The following ATG7 variants were observed in gnomAD, a reference collection of about 807,000 sequenced individuals.
ATG7 encodes the protein autophagy related 7.
A neutral mutation model predicts 82.4 loss-of-function variants in ATG7; 70 were observed. The observed-to-expected ratio is 0.85, with a 90% CI of 0.70 to 1.04. The LOEUF (loss-of-function observed/expected upper bound fraction) is 1.04. Among genes scored for constraint, ATG7 ranks in the 50% least tolerant of loss-of-function variants. The probability of loss-of-function intolerance (pLI) is 0.00; values close to 1 mark genes in which losing one functional copy is unlikely to be tolerated. For synonymous variants in ATG7, 287 were observed against 313.0 expected (o/e 0.92, Z 0.88); for missense variants, 792 against 864.3 (o/e 0.92, Z 1.05).
chr3:11,329,874 G>A (rs1951400438), intron 9 of ATG7, among the ~76,000 whole-genome samples: 1 of 152,122 alleles, frequency 6.6e-6, no homozygotes, highest in Admixed American at 6.5e-5. Flanking sequence ...CTCTGTTCAG[G>A]ATCCAGTCCA....
At chr3:11,493,224 A>T (rs908117083) in intron 20 of ATG7, among the ~76,000 whole-genome samples, 17 of 152,126 alleles carry the variant, frequency 1.1e-4, no homozygotes, top group African/African-American at 4.1e-4. Flanking sequence ...CCTGAAGTCA[A>T]TTTGCCTCTC....
At chr3:11,406,586 C>T (rs930020730) in intron 19 of ATG7, among the ~76,000 whole-genome samples, 2 of 152,164 alleles carry the variant, frequency 1.3e-5, no homozygotes, top group Admixed American at 1.3e-4. Flanking sequence ...CATTTTCATG[C>T]TGCTGATAAA....
intron 20 of ATG7, among the ~76,000 whole-genome samples, chr3:11,476,833 A>C (rs2088302801): frequency 6.6e-6 from 1 of 152,160 alleles, no homozygotes; most frequent in African/African-American, 2.4e-5. Context: ...TTATGCATGT[A>C]GTAACTTTTG....
At chr3:11,566,197 TACAC>T in the ATG7 span, among the ~76,000 whole-genome samples, 8 of 152,002 alleles carry the variant, frequency 5.3e-5, no homozygotes, top group Admixed American at 2.6e-4. Context: ...CACAGAATGT[TACAC>T]ACACACTGAA....
In ATG7 at chr3:11,471,147, T is replaced by C. The variant is rs191249969; in HGVS notation, c.2079+44221T>C. ...GGCGGCCCTTTTGGAAACACACATA[T>C]GAATATGTTACTCAGGGACTTCCAA... On this transcript the variant is annotated intron_variant, in intron 20 of 20. Coordinates refer to ENST00000693202, the MANE Select transcript of ATG7 (RefSeq NM_001349232.2). 6.2e-3 allele frequency among the ~76,000 whole-genome samples: 945 copies of C among 152,176 alleles called. 8 individuals carry two copies. Among genetic ancestry groups the C allele is most frequent in the Non-Finnish European group, 8.8e-3 (596 of 68,000 alleles).
the ATG7 span, among the ~76,000 whole-genome samples, chr3:11,575,096 G>A: frequency 6.6e-6 from 1 of 152,172 alleles, no homozygotes; most frequent in Non-Finnish European, 1.5e-5. Context: ...GAGGAAAAGT[G>A]GATTGAGAGG....
chr3:11,573,891 C>G, the ATG7 span, among the ~76,000 whole-genome samples: 1 of 152,308 alleles, frequency 6.6e-6, no homozygotes, highest in East Asian at 1.9e-4. Flanking sequence ...TGAGGGCGTG[C>G]TCTAATCCAA....
At chr3:11,442,104 CTT>C (rs2084034584) in intron 20 of ATG7, among the ~76,000 whole-genome samples, 1 of 152,244 alleles carries the variant, frequency 6.6e-6, no homozygotes, top group Non-Finnish European at 1.5e-5. Context: ...CACCCAGACT[CTT>C]CTCTTTCTTT....
downstream of ATG7, chr3:11,558,329 C>T (rs2072625751): frequency 1.5e-6 from 1 of 686,894 alleles, no homozygotes; most frequent in Non-Finnish European, 2.4e-6. Flanking sequence ...CTACATTAGA[C>T]AGATGTTCCA....
At chr3:11,467,602 C>T (rs886400834) in intron 20 of ATG7, among the ~76,000 whole-genome samples, 5 of 152,174 alleles carry the variant, frequency 3.3e-5, no homozygotes, top group Admixed American at 2.0e-4. Context: ...TCTTGAACTC[C>T]TGACCTCAGG....
intron 20 of ATG7, among the ~76,000 whole-genome samples, chr3:11,430,063 A>C (rs1278496826): frequency 6.6e-6 from 1 of 151,528 alleles, no homozygotes; most frequent in South Asian, 2.1e-4. Context: ...CTGCCCAGAG[A>C]TATTCTTTAG....
chr3:11,467,588 C>T (rs1465957939), intron 20 of ATG7, among the ~76,000 whole-genome samples: 4 of 152,150 alleles, frequency 2.6e-5, no homozygotes, highest in African/African-American at 9.7e-5. Flanking sequence ...GTTCGCCAGG[C>T]TGGTCTTGAA....
chr3:11,526,013 G>A (rs1031923575), intron 20 of ATG7, among the ~76,000 whole-genome samples: 13 of 152,136 alleles, frequency 8.5e-5, no homozygotes, highest in African/African-American at 3.1e-4. Flanking sequence ...ACTGTTCAGT[G>A]CTGTGCTGAT....
intron 18 of ATG7, among the ~76,000 whole-genome samples, chr3:11,379,685 A>G (rs575743354): frequency 6.6e-6 from 1 of 152,346 alleles, no homozygotes; most frequent in African/African-American, 2.4e-5. Context: ...TACTTTAGAT[A>G]CTACAGCTTG....
At chr3:11,340,799 G>A in intron 12 of ATG7, 64 bp downstream of exon 12, 1 of 1,442,576 alleles carries the variant, frequency 6.9e-7, no homozygotes, top group Non-Finnish European at 9.7e-7. Context: ...ACCAAGTTCT[G>A]TCAGGCCAAC....
chr3:11,525,788 T>C (rs935658427), intron 20 of ATG7, among the ~76,000 whole-genome samples: 2 of 151,736 alleles, frequency 1.3e-5, no homozygotes, highest in African/African-American at 2.4e-5. Flanking sequence ...TCTCCTGACG[T>C]TGTGATCTGC....
chr3:11,358,416 A>G lies in ATG7; in HGVS notation c.1285-2A>G. On this transcript the variant is annotated splice_acceptor_variant, in intron 14 of 20. Transcript: ENST00000693202. LOFTEE classifies it high-confidence loss of function. ...CATAACTACGTCCTGGTGTTTCCCTAGAATGCCAGAGGATTCAACATGAGC... is the reference window on the plus strand; with the variant it reads ...CATAACTACGTCCTGGTGTTTCCCTGGAATGCCAGAGGATTCAACATGAGC... The G allele has an allele frequency of 6.2e-7, 1 of 1,610,574 alleles. No individual in the cohort carries two copies. The highest frequency in any genetic ancestry group is 8.5e-7 in the Non-Finnish European group (1 of 1,178,354).
At chr3:11,417,381 C>T (rs926682467) in intron 19 of ATG7, among the ~76,000 whole-genome samples, 1 of 152,152 alleles carries the variant, frequency 6.6e-6, no homozygotes, top group African/African-American at 2.4e-5. Context: ...GCATTAAGAA[C>T]TGTGTCTTAC....
At chr3:11,490,943 A>G (rs1003056111) in intron 20 of ATG7, among the ~76,000 whole-genome samples, 88 of 151,996 alleles carry the variant, frequency 5.8e-4, no homozygotes, top group Admixed American at 4.6e-4. Flanking sequence ...TCTGACAATT[A>G]TGTGTCTTGG....
Sources: allele counts gnomAD v4.1 joint callset (sites outside exome capture counted in the v4.1 genomes callset), GRCh38; gene constraint gnomAD v4.1.1; transcripts MANE v1.5; gene names NCBI Gene and HGNC (gene_info 2026-07-23, HGNC 2026-07-21).